Variants in SOX6 observed in about 807,000 individuals in gnomAD.
SOX6 encodes transcription factor SOX-6.
A neutral mutation model predicts 97.8 loss-of-function variants in SOX6; 11 were observed. The ratio of observed to expected loss-of-function variants is 0.11; its 90% CI spans 0.07 to 0.19. The LOEUF (loss-of-function observed/expected upper bound fraction) is 0.19. Ranked by LOEUF, SOX6 falls within the 10% of genes least tolerant of loss-of-function variation. The probability of loss-of-function intolerance (pLI) is 1.00; values close to 1 mark genes in which losing one functional copy is unlikely to be tolerated. For missense variants in SOX6, 810 were observed against 1,039.5 expected (o/e 0.78, Z 3.04); for synonymous variants, 360 against 371.4 (o/e 0.97, Z 0.35).
rs1853348364 is a variant in SOX6, at chr11:15,972,593, A to T, written c.*216T>A. On this transcript the variant is annotated 3_prime_UTR_variant, in exon 16 of 16. Coordinates refer to ENST00000683767, the MANE Select transcript of SOX6 (RefSeq NM_001367873.1). ...TATTTAATATGTCTTCACCTAAATTAAAAAAACAACAACAACAACAATAAC... is the reference window on the plus strand; with the variant it reads ...TATTTAATATGTCTTCACCTAAATTTAAAAAACAACAACAACAACAATAAC... The T allele has an allele frequency of 6.8e-6, 4 of 589,668 alleles. No individual in the cohort carries two copies. Among genetic ancestry groups the T allele is most frequent in the Non-Finnish European group, 1.2e-5 (4 of 335,898 alleles). 36.5% of individuals were successfully genotyped at this position (589,668 alleles called of 1,614,324 possible). A position where few individuals can be genotyped will look rare whatever the true frequency, so the allele number is the denominator to read the frequency against.
intron 4 of SOX6, among the ~76,000 whole-genome samples, chr11:16,597,676 A>G (rs562685920): frequency 6.6e-6 from 1 of 152,154 alleles, no homozygotes; most frequent in African/African-American, 2.4e-5. Flanking sequence ...GGTGTTAATC[A>G]TTGATATATA....
At chr11:16,014,580 A>G (rs1854826015) in intron 13 of SOX6, among the ~76,000 whole-genome samples, 1 of 152,088 alleles carries the variant, frequency 6.6e-6, no homozygotes, top group South Asian at 2.1e-4. Flanking sequence ...ATAATATTTA[A>G]AAGTCCTCCT....
chr11:16,130,565 A>T (rs951895595), intron 6 of SOX6, among the ~76,000 whole-genome samples: 1 of 152,000 alleles, frequency 6.6e-6, no homozygotes, highest in African/African-American at 2.4e-5. Flanking sequence ...TAAGACAGCA[A>T]GTCTCCTCAA....
intron 1 of SOX6, among the ~76,000 whole-genome samples, chr11:16,439,222 C>T (rs929902074): frequency 2.6e-5 from 4 of 152,050 alleles, no homozygotes; most frequent in African/African-American, 9.7e-5. Flanking sequence ...TAAGTTGAAA[C>T]GTAAAGGGAA....
intron 1 of SOX6, among the ~76,000 whole-genome samples, chr11:16,371,142 T>G (rs1212694165): frequency 6.6e-6 from 1 of 152,114 alleles, no homozygotes; most frequent in East Asian, 1.9e-4. Context: ...TTTCCTATTA[T>G]TTCCCCCCTT....
At chr11:16,072,585 G>A (rs1848251897) in intron 9 of SOX6, among the ~76,000 whole-genome samples, 1 of 152,076 alleles carries the variant, frequency 6.6e-6, no homozygotes, top group Non-Finnish European at 1.5e-5. Flanking sequence ...TCGAATCCAG[G>A]AAATGCAAAG....
chr11:16,031,535 G>A (rs1040451360), intron 12 of SOX6: 2 of 152,110 alleles, frequency 1.3e-5, no homozygotes, highest in African/African-American at 2.4e-5. Context: ...TGCTATCAAG[G>A]ACACAGGAGT....
intron 6 of SOX6, among the ~76,000 whole-genome samples, chr11:16,155,774 T>C (rs1490523283): frequency 6.6e-6 from 1 of 152,118 alleles, no homozygotes; most frequent in African/African-American, 2.4e-5. Flanking sequence ...CAATCTTTGT[T>C]CTAACCAAAG....
intron 1 of SOX6, among the ~76,000 whole-genome samples, chr11:16,418,024 A>C (rs768967402): frequency 6.6e-6 from 1 of 152,150 alleles, no homozygotes; most frequent in East Asian, 1.9e-4. Context: ...TTCCTCGACT[A>C]CTCATCTAGG....
At chr11:16,144,039 C>T (rs917822481) in intron 6 of SOX6, among the ~76,000 whole-genome samples, 1 of 152,166 alleles carries the variant, frequency 6.6e-6, no homozygotes, top group Non-Finnish European at 1.5e-5. Flanking sequence ...CCCAAATCAA[C>T]AGAATAATAT....
At chr11:16,361,300 T>G (rs1377032007), upstream of SOX6, among the ~76,000 whole-genome samples, 1 of 152,126 alleles carries the variant, frequency 6.6e-6, no homozygotes, top group Admixed American at 6.5e-5. Flanking sequence ...CAATAGATGT[T>G]GTAATAAAAC....
chr11:16,434,244 A>G (rs1217815066), intron 1 of SOX6: 2 of 152,084 alleles, frequency 1.3e-5, no homozygotes, highest in East Asian at 3.9e-4. Flanking sequence ...CAGCCATGAT[A>G]AACGAACATA....
chr11:16,316,767 A>G lies in SOX6; in HGVS notation c.445+1679T>C, dbSNP rs537269651. 8 of 152,250 alleles carry G rather than the reference A, an allele frequency of 5.3e-5. No individual in the cohort carries two copies. In the East Asian group the frequency reaches 1.5e-3, roughly 29 times the overall value. The allele number at this position is 152,250 out of a possible 1,614,324, so 9.4% of individuals were successfully genotyped here. On this transcript the variant is annotated intron_variant, in intron 3 of 15. Transcript: ENST00000683767. Reference sequence around the variant, plus strand: ...GGTGGATCACAATTAAAAGTAATCTAGTGATCTTACTTATTCAGTAGATAA... The same window carrying G: ...GGTGGATCACAATTAAAAGTAATCTGGTGATCTTACTTATTCAGTAGATAA...
chr11:16,216,631 T>C (rs1852382085), intron 4 of SOX6, among the ~76,000 whole-genome samples: 1 of 151,682 alleles, frequency 6.6e-6, no homozygotes, highest in Non-Finnish European at 1.5e-5. Flanking sequence ...AAAAAAATCA[T>C]AACTCTTCCC....
intron 4 of SOX6, among the ~76,000 whole-genome samples, chr11:16,518,377 A>C (rs915414106): frequency 6.6e-6 from 1 of 152,164 alleles, no homozygotes; most frequent in African/African-American, 2.4e-5. Flanking sequence ...TAACTCTCCC[A>C]ATTGGAGTTA....
chr11:16,490,742 A>C (rs2133132352), intron 4 of SOX6, among the ~76,000 whole-genome samples: 1 of 152,202 alleles, frequency 6.6e-6, no homozygotes, highest in South Asian at 2.1e-4. Context: ...GAAGTCCATA[A>C]CTGAAAGTAA....
rs147801176 is a variant in SOX6, at chr11:16,709,860, A to C, written n.429+4970T>G. On this transcript the variant is annotated intron_variant and non_coding_transcript_variant, in intron 3 of 5. Transcript: ENST00000524520. Reference sequence around the variant, plus strand: ...ATGCAGAAAATGGTGCAGAAAGAAGAATGCACCTTCCAAAGAATGAATATC... The same window carrying C: ...ATGCAGAAAATGGTGCAGAAAGAAGCATGCACCTTCCAAAGAATGAATATC... 6.4e-4 allele frequency among the ~76,000 whole-genome samples: 97 copies of C among 152,292 alleles called. No homozygotes were observed. In the East Asian group the frequency reaches 0.019, roughly 29 times the overall value.
chr11:16,101,923 A>T (rs1025770557), intron 7 of SOX6, among the ~76,000 whole-genome samples: 16 of 151,848 alleles, frequency 1.1e-4, no homozygotes, highest in Non-Finnish European at 2.1e-4. Context: ...AGCGAACATT[A>T]TAGTGAATGA....
intron 6 of SOX6, among the ~76,000 whole-genome samples, chr11:16,147,429 C>T (rs556689247): frequency 6.6e-6 from 1 of 151,952 alleles, no homozygotes; most frequent in South Asian, 2.1e-4. Context: ...TGCGGCACAC[C>T]AACATGGCAC....
Sources: allele counts gnomAD v4.1 joint callset (sites outside exome capture counted in the v4.1 genomes callset), GRCh38; gene constraint gnomAD v4.1.1; transcripts MANE v1.5; gene names NCBI Gene and HGNC (gene_info 2026-07-23, HGNC 2026-07-21).